The following HS3ST4 variants were observed in gnomAD, a reference collection of about 807,000 sequenced individuals.
HS3ST4 encodes heparan sulfate glucosamine 3-O-sulfotransferase 4.
In HS3ST4, 17 loss-of-function variants were observed where a neutral mutation model predicts 29.2. That is an observed-to-expected ratio of 0.58 (90% CI 0.40 to 0.87). The LOEUF is 0.87. HS3ST4 is among the 40% of genes least tolerant of loss of function. The pLI is 0.00. For synonymous variants in HS3ST4, 314 were observed against 285.7 expected (o/e 1.10, Z -1.00); for missense variants, 627 against 634.5 (o/e 0.99, Z 0.13).
intron 1 of HS3ST4, among the ~76,000 whole-genome samples, chr16:26,091,049 AC>A (rs1175224976): frequency 1.3e-5 from 2 of 152,202 alleles, no homozygotes; most frequent in Non-Finnish European, 2.9e-5. Flanking sequence ...TATTTATATA[AC>A]CCTGTTAAGT....
intron 1 of HS3ST4, among the ~76,000 whole-genome samples, chr16:26,066,341 TGGGA>T (rs2141773697): frequency 6.6e-6 from 1 of 152,320 alleles, no homozygotes; most frequent in Non-Finnish European, 1.5e-5. Context: ...TGTAAAGAGG[TGGGA>T]GGAACGGTAT....
At chr16:25,911,073 CGTT>C (rs1170892906) in intron 1 of HS3ST4, among the ~76,000 whole-genome samples, 1 of 152,124 alleles carries the variant, frequency 6.6e-6, no homozygotes, top group Non-Finnish European at 1.5e-5. Context: ...TAAATAGTGA[CGTT>C]GCTGCAGTTT....
At chr16:25,942,641 C>A (rs116727864) in intron 1 of HS3ST4, among the ~76,000 whole-genome samples, 468 of 148,216 alleles carry the variant, frequency 3.2e-3, no homozygotes, top group African/African-American at 0.011. Context: ...TTTTTAGAGG[C>A]AGGGTCTTTC....
chr16:25,705,663 A>C (rs114671964), intron 1 of HS3ST4, among the ~76,000 whole-genome samples: 3,314 of 150,884 alleles, frequency 0.022, 39 homozygotes, highest in Middle Eastern at 0.041. Flanking sequence ...TTTCCATCCC[A>C]AAAAAAAATA....
intron 1 of HS3ST4, among the ~76,000 whole-genome samples, chr16:26,044,149 G>C (rs530361384): frequency 4.6e-5 from 7 of 152,222 alleles, no homozygotes. Flanking sequence ...TCACTGCGTC[G>C]TGTGGATAAA....
intron 1 of HS3ST4, among the ~76,000 whole-genome samples, chr16:25,809,887 G>A (rs1967025168): frequency 6.6e-6 from 1 of 151,804 alleles, no homozygotes; most frequent in Admixed American, 6.6e-5. Context: ...TATTTTGTAG[G>A]TTTTGCTATA....
At chr16:25,764,013 A>C (rs564122616) in intron 1 of HS3ST4, among the ~76,000 whole-genome samples, 2 of 152,326 alleles carry the variant, frequency 1.3e-5, no homozygotes, top group South Asian at 4.1e-4. Context: ...AATTCAAAAA[A>C]TGGAGGGGTA....
intron 1 of HS3ST4, among the ~76,000 whole-genome samples, chr16:25,839,912 G>GTTA (rs944139518): frequency 6.6e-6 from 1 of 152,178 alleles, no homozygotes; most frequent in African/African-American, 2.4e-5. Context: ...CTGAAAAAAG[G>GTTA]TTAACACTCC....
intron 1 of HS3ST4, among the ~76,000 whole-genome samples, chr16:26,008,938 C>T (rs192502117): frequency 9.2e-5 from 14 of 152,366 alleles, no homozygotes; most frequent in Admixed American, 7.2e-4. Flanking sequence ...ATCTTAGCAG[C>T]ACCCACGCCT....
At chr16:25,983,282 T>C (rs1182453669) in intron 1 of HS3ST4, among the ~76,000 whole-genome samples, 9 of 150,574 alleles carry the variant, frequency 6.0e-5, no homozygotes, top group Non-Finnish European at 1.3e-4. Flanking sequence ...AGGTTCCAGA[T>C]TGAGGTAGAA....
At chr16:25,865,514 C>A (rs1422820698) in intron 1 of HS3ST4, among the ~76,000 whole-genome samples, 1 of 152,092 alleles carries the variant, frequency 6.6e-6, no homozygotes, top group African/African-American at 2.4e-5. Flanking sequence ...AGGTTGTTTT[C>A]CTACTGTCGA....
At chr16:25,904,572 G>C (rs1393203364) in intron 1 of HS3ST4, among the ~76,000 whole-genome samples, 1 of 152,148 alleles carries the variant, frequency 6.6e-6, no homozygotes, top group African/African-American at 2.4e-5. Context: ...AGGTTGCTTG[G>C]CTTCCCAGAT....
At chr16:26,079,822 G>A (rs1350204526) in intron 1 of HS3ST4, among the ~76,000 whole-genome samples, 2 of 152,156 alleles carry the variant, frequency 1.3e-5, no homozygotes, top group African/African-American at 4.8e-5. Flanking sequence ...CAGTCTTAAA[G>A]GCTTTAGCAC....
intron 1 of HS3ST4, among the ~76,000 whole-genome samples, chr16:26,085,529 A>G (rs547011055): frequency 4.6e-5 from 7 of 152,282 alleles, no homozygotes; most frequent in African/African-American, 1.4e-4. Context: ...TATATGTTAT[A>G]AAAACAACTG....
chr16:25,870,444 T>C (rs926159675), intron 1 of HS3ST4, among the ~76,000 whole-genome samples: 7 of 151,952 alleles, frequency 4.6e-5, no homozygotes, highest in African/African-American at 7.3e-5. Flanking sequence ...TGCATAAAGA[T>C]TTAAGAGGCC....
At chr16:26,061,724 A>G (rs1445497491) in intron 1 of HS3ST4, among the ~76,000 whole-genome samples, 2 of 152,162 alleles carry the variant, frequency 1.3e-5, no homozygotes, top group African/African-American at 4.8e-5. Context: ...TAATGTCATC[A>G]GGCTTTGTTT....
intron 1 of HS3ST4, among the ~76,000 whole-genome samples, chr16:25,744,486 G>T (rs1421642050): frequency 2.0e-5 from 3 of 152,084 alleles, no homozygotes; most frequent in Admixed American, 6.5e-5. Flanking sequence ...ACTGAAGTTT[G>T]TTTTTCTCTT....
intron 1 of HS3ST4, among the ~76,000 whole-genome samples, chr16:25,704,015 G>A (rs368060388): frequency 2.0e-5 from 3 of 152,146 alleles, no homozygotes; most frequent in African/African-American, 4.8e-5. Flanking sequence ...ACCAGAAATC[G>A]ATCTTGTCCA....
At chr16:26,017,439 A>G (rs1969372529) in intron 1 of HS3ST4, among the ~76,000 whole-genome samples, 1 of 152,238 alleles carries the variant, frequency 6.6e-6, no homozygotes, top group Non-Finnish European at 1.5e-5. Context: ...GCAATACATT[A>G]CATGAAAGCA....
Sources: gnomAD v4.1 joint callset for allele counts (sites outside exome capture counted in the v4.1 genomes callset) on GRCh38, gnomAD v4.1.1 for gene constraint, MANE v1.5 for transcripts, NCBI Gene and HGNC (gene_info 2026-07-23, HGNC 2026-07-21) for gene names.